Variants in DHCR7 observed in about 807,000 individuals in gnomAD.
The protein encoded by DHCR7 is 7-dehydrocholesterol reductase.
Under a neutral mutation model 43.3 loss-of-function variants are expected in DHCR7, and 40 were observed. That is an observed-to-expected ratio of 0.92 (90% CI 0.72 to 1.20). The LOEUF is 1.20. DHCR7 is among the 50% of genes most tolerant of loss of function. DHCR7 has a pLI of 0.00. For missense variants in DHCR7, 608 were observed against 644.6 expected, an observed-to-expected ratio of 0.94 and a Z score of 0.62; for synonymous variants, 298 against 271.4, an observed-to-expected ratio of 1.10 and a Z score of -0.96.
At chr11:71,448,965 T>G (rs1359095734), upstream of DHCR7, 1 of 152,288 alleles carries the variant, frequency 6.6e-6, no homozygotes, top group Non-Finnish European at 1.5e-5. Context: ...GTGGCCTGCT[T>G]ATTAGGGGGG....
At chr11:71,442,635 T>A (rs908855814) in intron 4 of DHCR7, among the ~76,000 whole-genome samples, 1 of 152,108 alleles carries the variant, frequency 6.6e-6, no homozygotes, top group Non-Finnish European at 1.5e-5. Context: ...GAGAATCCCA[T>A]AAAATTCAAC....
At chr11:71,433,078 G>A (rs1035363761), downstream of DHCR7, among the ~76,000 whole-genome samples, 1 of 152,230 alleles carries the variant, frequency 6.6e-6, no homozygotes, top group Non-Finnish European at 1.5e-5. Context: ...GGTACTGGAT[G>A]CCTGCCCCTT....
rs1010528903 is a variant in DHCR7 at position 71,443,977 on chromosome 11, G to C, written c.321+16C>G. On this transcript the variant is annotated intron_variant, in intron 4 of 8. Transcript: ENST00000355527. ...CCCACCTGCTGTGTCCCAACCCCAG[G>C]GCAGGGGCTGCTGACCTGGAAGGTG... The C allele has an allele frequency of 6.2e-7, 1 of 1,604,502 alleles. No individual in the cohort carries two copies. Among genetic ancestry groups the C allele is most frequent in the African/African-American group, 1.3e-5 (1 of 74,790 alleles).
rs1409479616 is a variant in DHCR7 at position 71,437,701 on chromosome 11, T to C, written c.963+111A>G. ...AATACACGAGGCCTTCCCTTCTTCC[T>C]AGAAACAGGGGGCAGCTTTGGTGCC... On this transcript the variant is annotated intron_variant, in intron 8 of 8. Coordinates refer to ENST00000355527, the MANE Select transcript of DHCR7 (RefSeq NM_001360.3). The C allele has an allele frequency of 4.0e-6, 6 of 1,505,372 alleles. No homozygotes were observed. The African/African-American group carries it at 4.1e-5, about 10-fold the overall frequency. The allele number at this position is 1,505,372 out of a possible 1,614,324, so 93.3% of individuals were successfully genotyped here.
intron 2 of DHCR7, among the ~76,000 whole-genome samples, chr11:71,446,243 T>C (rs118119216): frequency 0.027 from 1,391 of 51,648 alleles, 17 homozygotes; most frequent in Middle Eastern, 0.042. Flanking sequence ...GAGAGATGCA[T>C]AGAAACCTTA....
intron 2 of DHCR7, 119 bp downstream of exon 2, chr11:71,447,491 C>T (rs1261908065): frequency 3.3e-5 from 5 of 152,192 alleles, no homozygotes; most frequent in African/African-American, 1.2e-4. Context: ...TTGTATTTTA[C>T]TCATAAGAGG....
chr11:71,439,086 T>A lies in DHCR7; in HGVS notation c.627-3A>T, dbSNP rs1949322439. 1 of 1,612,668 alleles carries A rather than the reference T, an allele frequency of 6.2e-7. No homozygotes were observed. The highest frequency in any genetic ancestry group is 8.5e-7 in the Non-Finnish European group (1 of 1,179,080). On this transcript the variant is annotated splice_region_variant and splice_polypyrimidine_tract_variant and intron_variant, in intron 6 of 8. Transcript: ENST00000355527. ...AAAAGAAATTGCCTGTGAATTTGCT[T>A]AAAAATATAAATAAAAGATACATTT...
Position 71,435,218 on chromosome 11 carries a change from G to A in DHCR7, c.*157C>T, listed in dbSNP as rs990638900. On this transcript the variant is annotated 3_prime_UTR_variant, in exon 9 of 9. Coordinates refer to ENST00000355527, the MANE Select transcript of DHCR7 (RefSeq NM_001360.3). ...TGAAGGCAAAAGCAAGGAACAGAGC[G>A]TGATTAGGTACTGGACACCTGCCAA... 2 of 763,354 alleles carry A rather than the reference G, an allele frequency of 2.6e-6. No individual in the cohort carries two copies. Among genetic ancestry groups the A allele is most frequent in the African/African-American group, 1.7e-5 (1 of 57,928 alleles). The allele number at this position is 763,354 out of a possible 1,614,324, so 47.3% of individuals were successfully genotyped here.
chr11:71,435,017 G>A lies in DHCR7; in HGVS notation c.*358C>T, dbSNP rs78575838. On this transcript the variant is annotated 3_prime_UTR_variant, in exon 9 of 9. Transcript: ENST00000355527. ...GCAGCCTAATGACAGGGCGTGGGAA[G>A]ACCTCCTGCTCACCAGTGTGGGCAG... is the stretch of plus-strand genomic sequence containing the variant. The A allele has an allele frequency of 4.7e-3, 2,276 of 483,884 alleles. 47 individuals are homozygous for A. The highest frequency in any genetic ancestry group is 0.041 in the African/African-American group (2,102 of 51,496). The allele number at this position is 483,884 out of a possible 1,614,324, so 30.0% of individuals were successfully genotyped here. A position where few individuals can be genotyped will look rare whatever the true frequency, so the allele number is the denominator to read the frequency against.
chr11:71,435,605 A>G lies in DHCR7; in HGVS notation c.1198T>C (p.Trp400Arg). The change falls in exon 9 of 9, where the codon TGG (tryptophan) becomes CGG (arginine). Residue 400 changes from tryptophan (W) to arginine (R), a missense_variant. Physicochemically the swap from Trp to Arg is moderately radical, Grantham distance 101 (BLOSUM62 -3). Coordinates refer to ENST00000355527, the MANE Select transcript of DHCR7 (RefSeq NM_001360.3). ...HHSKLLVSGFWGVARHFNYVG... is the reference protein window; with the variant it reads ...HHSKLLVSGFRGVARHFNYVG... Reference sequence around the variant, plus strand: ...TAGTTGAAGTGGCGGGCCACGCCCCAGAAGCCCGACACCAGCAGCTTGCTG... The same window carrying G: ...TAGTTGAAGTGGCGGGCCACGCCCCGGAAGCCCGACACCAGCAGCTTGCTG... 1.9e-6 allele frequency: 3 copies of G among 1,608,648 alleles called. No homozygotes were observed. The highest frequency in any genetic ancestry group is 2.5e-6 in the Non-Finnish European group (3 of 1,179,554).
At chr11:71,436,929 T>A (rs1949288443) in intron 8 of DHCR7, among the ~76,000 whole-genome samples, 1 of 152,128 alleles carries the variant, frequency 6.6e-6, no homozygotes, top group Non-Finnish European at 1.5e-5. Flanking sequence ...TATTGCTACG[T>A]TTTCACATCC....
chr11:71,448,775 T>C (rs978602574), upstream of DHCR7: 40 of 152,254 alleles, frequency 2.6e-4, no homozygotes, highest in African/African-American at 9.4e-4. Flanking sequence ...GCGACGCACA[T>C]TGATGGAGCG....
Position 71,438,956 on chromosome 11 carries a change from T to C in DHCR7, c.754A>G (p.Asn252Asp). ...CGCTGCTTCGCTGCGAAGGACAGGT[T>C]GATGAGGGTCCAGGCGACGATCCCG... ...RPGIVAWTLI[N>D]LSFAAKQREL... The change falls in exon 7 of 9, where the codon AAC (asparagine) becomes GAC (aspartate). Residue 252 changes from asparagine (N) to aspartate (D), a missense_variant. Physicochemically the swap from Asn to Asp is conservative, Grantham distance 23 (BLOSUM62 1). Coordinates refer to ENST00000355527, the MANE Select transcript of DHCR7 (RefSeq NM_001360.3). The C allele has an allele frequency of 6.2e-7, 1 of 1,614,046 alleles. No individual in the cohort carries two copies. The highest frequency in any genetic ancestry group is 1.1e-5 in the South Asian group (1 of 91,082).
intron 5 of DHCR7, among the ~76,000 whole-genome samples, chr11:71,441,938 C>T (rs1280554518): frequency 6.6e-6 from 1 of 152,156 alleles, no homozygotes; most frequent in Non-Finnish European, 1.5e-5. Flanking sequence ...GACAAGGTCT[C>T]CCACGGACAG....
At chr11:71,438,715 C>T in intron 7 of DHCR7, 164 bp downstream of exon 7, 2 of 744,390 alleles carry the variant, frequency 2.7e-6, no homozygotes, top group Non-Finnish European at 4.5e-6. Context: ...AGGATGGCTT[C>T]CTTCACCAAG....
chr11:71,444,865 C>A lies in DHCR7; in HGVS notation c.88G>T (p.Gly30Cys). Residue 30 changes from glycine to cysteine, a missense_variant, in exon 3 of 9, where the codon GGC (glycine) becomes TGC (cysteine). By Grantham distance (159) the Gly-to-Cys change is radical. Coordinates refer to ENST00000355527, the MANE Select transcript of DHCR7 (RefSeq NM_001360.3). The stretch of plus-strand genomic sequence containing the variant: ...AGGCAAGATCCTTACCAGGCACGGC[C>A]CCACTGCCCTTGAGATGCGGTTCTG... The part of the protein sequence containing the change: ...NDRTASQGQW[G>C]RAWEVDWFSL... The A allele has an allele frequency of 6.2e-7, 1 of 1,614,096 alleles. No homozygotes were observed.
intron 4 of DHCR7, 114 bp from the exon 5 acceptor site, chr11:71,442,467 T>C (rs1039197150): frequency 1.6e-5 from 13 of 810,160 alleles, no homozygotes; most frequent in African/African-American, 3.4e-5. Context: ...GAAGCACTTA[T>C]GGCTCCTGGA....
At chr11:71,438,808 C>T (rs544038702) in intron 7 of DHCR7, 71 bp downstream of exon 7, 51 of 1,482,998 alleles carry the variant, frequency 3.4e-5, no homozygotes, top group Middle Eastern at 2.1e-4. Flanking sequence ...CATGGGAATA[C>T]GCTCTGGCTT....
intron 1 of DHCR7, 172 bp downstream of exon 1, chr11:71,448,117 CG>C (rs1298355189): frequency 6.5e-6 from 1 of 152,940 alleles, no homozygotes; most frequent in Non-Finnish European, 1.5e-5. Context: ...CCCGCCTCCC[CG>C]GAGCCCCAGC....
Sources: gnomAD v4.1 joint callset for allele counts (sites outside exome capture counted in the v4.1 genomes callset) on GRCh38, gnomAD v4.1.1 for gene constraint, MANE v1.5 for transcripts, NCBI Gene and HGNC (gene_info 2026-07-23, HGNC 2026-07-21) for gene names.